NBAS: variants seen among roughly 807,000 people sequenced by gnomAD.
NBAS encodes NBAS subunit of NRZ tethering complex, also known as NAG/BC035112 fusion.
Under a neutral mutation model 302.5 loss-of-function variants are expected in NBAS, and 219 were observed. The observed-to-expected ratio is 0.72, with a 90% CI of 0.65 to 0.81. The LOEUF is 0.81. Ranked by LOEUF, NBAS falls within the 30% of genes least tolerant of loss-of-function variation. The pLI, the probability that NBAS is intolerant of heterozygous loss-of-function variation, is 0.00. For synonymous variants in NBAS, 1,118 were observed against 1,021.6 expected, an observed-to-expected ratio of 1.09 and a Z score of -1.80; for missense variants, 2,932 against 2,841.6, an observed-to-expected ratio of 1.03 and a Z score of -0.72.
intron 6 of NBAS, among the ~76,000 whole-genome samples, chr2:15,540,716 T>C (rs1663769895): frequency 8.2e-6 from 1 of 121,618 alleles, no homozygotes; most frequent in Non-Finnish European, 1.8e-5. Context: ...CCTTTTGTTT[T>C]GTTTTGTTTT....
At chr2:15,229,741 C>G (rs1307431900) in intron 47 of NBAS, among the ~76,000 whole-genome samples, 1 of 150,564 alleles carries the variant, frequency 6.6e-6, no homozygotes, top group Non-Finnish European at 1.5e-5. Context: ...GAGACTGCGC[C>G]ATTGTACTTC....
rs577307364 is a variant in NBAS at position 15,424,469 on chromosome 2, C to A, written c.2424-1G>T. On this transcript the variant is annotated splice_acceptor_variant, in intron 22 of 51. Transcript: ENST00000281513. LOFTEE classifies it high-confidence loss of function. ...TTGGAGATTCGGCTCAACAACCATT[C>A]TGTGAAGCACAAAAGGACCAATTAA... 6.2e-7 allele frequency: 1 copy of A among 1,614,018 alleles called. No homozygotes were observed. Among genetic ancestry groups the A allele is most frequent in the Non-Finnish European group, 8.5e-7 (1 of 1,179,928 alleles).
intron 6 of NBAS, among the ~76,000 whole-genome samples, chr2:15,544,483 A>G (rs190303198): frequency 8.4e-4 from 128 of 152,324 alleles, no homozygotes; most frequent in African/African-American, 2.5e-3. Flanking sequence ...GATAAAAACA[A>G]TAGGCATAAA....
intron 21 of NBAS, among the ~76,000 whole-genome samples, chr2:15,449,335 A>G (rs1025481747): frequency 3.3e-5 from 5 of 152,190 alleles, no homozygotes; most frequent in Non-Finnish European, 7.4e-5. Flanking sequence ...TCTCATGAAC[A>G]TGCTATGTGA....
the NBAS span, among the ~76,000 whole-genome samples, chr2:14,786,842 T>C: frequency 6.6e-6 from 1 of 152,196 alleles, no homozygotes; most frequent in Non-Finnish European, 1.5e-5. Context: ...TTAGGTCCGC[T>C]TGGTGCAGAG....
the NBAS span, among the ~76,000 whole-genome samples, chr2:15,123,118 G>A: frequency 6.6e-6 from 1 of 152,156 alleles, no homozygotes; most frequent in Non-Finnish European, 1.5e-5. Flanking sequence ...GGAGCAGCAG[G>A]CTTTCGTTCT....
the NBAS span, among the ~76,000 whole-genome samples, chr2:15,046,811 T>C: frequency 0.82 from 125,233 of 152,128 alleles, 51,892 homozygotes; most frequent in East Asian, 0.99. Flanking sequence ...GGGGGCCTGG[T>C]CTTAGTAAAT....
chr2:15,549,836 C>G (rs1210673810), intron 6 of NBAS, among the ~76,000 whole-genome samples: 1 of 151,856 alleles, frequency 6.6e-6, no homozygotes, highest in Non-Finnish European at 1.5e-5. Flanking sequence ...CACTTAAGTA[C>G]AAGTACAGTC....
chr2:15,466,300 A>G (rs1679721989), intron 19 of NBAS, among the ~76,000 whole-genome samples: 1 of 152,182 alleles, frequency 6.6e-6, no homozygotes, highest in Non-Finnish European at 1.5e-5. Flanking sequence ...CACACACACA[A>G]AAGGGAGGCA....
chr2:15,372,027 AC>A (rs1674511986), intron 31 of NBAS, among the ~76,000 whole-genome samples: 1 of 152,084 alleles, frequency 6.6e-6, no homozygotes, highest in Non-Finnish European at 1.5e-5. Context: ...TCTTATTAGT[AC>A]CCCCATTTGG....
the NBAS span, among the ~76,000 whole-genome samples, chr2:15,106,315 C>T: frequency 2.0e-5 from 3 of 152,122 alleles, no homozygotes; most frequent in Non-Finnish European, 4.4e-5. Flanking sequence ...AAATCCTGCT[C>T]TGGGAACCCA....
In NBAS at chr2:15,486,838, CA is replaced by C. The variant is rs1264267537; in HGVS notation, c.1083+2055del. Among the ~76,000 whole-genome samples, 742 of 129,704 alleles carry C rather than the reference CA, an allele frequency of 5.7e-3. 8 individuals are homozygous for C. The highest frequency in any genetic ancestry group is 0.019 in the African/African-American group (669 of 34,966). The allele number at this position is 129,704 out of a possible 152,430, so 85.1% of individuals were successfully genotyped here. ...ATAGCATTGACTGGCAACTAATGAC[CA>C]AAAAAAAAATGCTAACCAGTCAAAG... On this transcript the variant is annotated intron_variant, in intron 12 of 51. Transcript: ENST00000281513.
the NBAS span, among the ~76,000 whole-genome samples, chr2:15,121,548 C>T: frequency 1.6e-4 from 25 of 152,212 alleles, no homozygotes; most frequent in African/African-American, 4.8e-4. Context: ...ATTCCAAGAA[C>T]ATGAATGGGG....
chr2:15,212,530 C>T (rs933968785), intron 48 of NBAS, among the ~76,000 whole-genome samples: 1 of 152,148 alleles, frequency 6.6e-6, no homozygotes, highest in African/African-American at 2.4e-5. Flanking sequence ...GCTGCACGCC[C>T]TCCTTTGACC....
chr2:14,904,113 T>C, the NBAS span, among the ~76,000 whole-genome samples: 92,818 of 152,162 alleles, frequency 0.61, 30,659 homozygotes, highest in African/African-American at 0.88. Flanking sequence ...GACCACCAGC[T>C]CTAAGAGGGC....
At chr2:15,339,971 T>C (rs1672771863) in intron 35 of NBAS, among the ~76,000 whole-genome samples, 1 of 148,304 alleles carries the variant, frequency 6.7e-6, no homozygotes, top group African/African-American at 2.5e-5. Context: ...GCAAAATGAA[T>C]GTGTATATTG....
At chr2:15,040,034 A>G in the NBAS span, among the ~76,000 whole-genome samples, 26 of 152,276 alleles carry the variant, frequency 1.7e-4, no homozygotes, top group African/African-American at 6.3e-4. Context: ...CAGCAGAGAG[A>G]GAGGAGCACT....
At chr2:14,874,030 G>C in the NBAS span, among the ~76,000 whole-genome samples, 1 of 151,940 alleles carries the variant, frequency 6.6e-6, no homozygotes, top group Non-Finnish European at 1.5e-5. Flanking sequence ...ATTTGAAAAG[G>C]TTTATAAAAT....
chr2:14,991,789 G>T, the NBAS span, among the ~76,000 whole-genome samples: 2 of 152,314 alleles, frequency 1.3e-5, no homozygotes, highest in Admixed American at 6.5e-5. Flanking sequence ...AAGCTTTCCA[G>T]GTGGTTGGTG....
Sources: allele counts gnomAD v4.1 joint callset (sites outside exome capture counted in the v4.1 genomes callset), GRCh38; gene constraint gnomAD v4.1.1; transcripts MANE v1.5; gene names NCBI Gene and HGNC (gene_info 2026-07-23, HGNC 2026-07-21).